Variants in RNASE4 observed in about 807,000 individuals in gnomAD.
The protein encoded by RNASE4 is ribonuclease 4.
For missense variants in RNASE4, 194 were observed against 192.8 expected (o/e 1.01, Z -0.04); for synonymous variants, 93 against 71.4 (o/e 1.30, Z -1.52).
intron 1 of RNASE4, among the ~76,000 whole-genome samples, chr14:20,698,190 T>C (rs1431949479): frequency 3.3e-5 from 5 of 152,160 alleles, no homozygotes; most frequent in Admixed American, 6.5e-5. Flanking sequence ...GGCTTTTTTT[T>C]TTAATGCTAT....
intron 1 of RNASE4, chr14:20,694,125 AC>A: frequency 7.0e-6 from 8 of 1,135,354 alleles, no homozygotes; most frequent in Non-Finnish European, 8.0e-6. Context: ...AGCTACCTGG[AC>A]CTTTTGTTTT....
At chr14:20,695,648 A>G (rs1466817761) in intron 1 of RNASE4, among the ~76,000 whole-genome samples, 2 of 152,384 alleles carry the variant, frequency 1.3e-5, no homozygotes, top group East Asian at 3.9e-4. Context: ...TTGTGAACAC[A>G]TAATTATTGT....
intron 1 of RNASE4, among the ~76,000 whole-genome samples, chr14:20,694,617 C>T (rs1566603265): frequency 6.6e-6 from 1 of 152,036 alleles, no homozygotes; most frequent in African/African-American, 2.4e-5. Flanking sequence ...CCTTATCAGT[C>T]AGTTTTTACA....
At chr14:20,686,897 C>G (rs1226950913) in intron 1 of RNASE4, among the ~76,000 whole-genome samples, 1 of 152,144 alleles carries the variant, frequency 6.6e-6, no homozygotes, top group Non-Finnish European at 1.5e-5. Flanking sequence ...CATATATACT[C>G]TGTATGAAGG....
intron 1 of RNASE4, among the ~76,000 whole-genome samples, 186 bp downstream of exon 1, chr14:20,684,944 A>G (rs922410711): frequency 6.6e-6 from 1 of 152,154 alleles, no homozygotes; most frequent in Non-Finnish European, 1.5e-5. Context: ...TAACGACTTT[A>G]CATTCCCACT....
At position 20,699,437 on chromosome 14, in the gene RNASE4, G is replaced by T; in HGVS notation, c.66G>T (p.Leu22=). Residue 22 remains leucine, a synonymous_variant, in exon 2 of 2, where the codon CTG becomes CTT. Transcript: ENST00000555835. The part of the protein sequence containing the change: ...LLLLTLLGLG[L]VQPSYGQDGM... ...TGCTGACCCTGCTGGGGCTGGGGCT[G>T]GTCCAGCCCTCCTATGGCCAGGATG... 5.0e-6 allele frequency: 8 copies of T among 1,612,384 alleles called. No homozygotes were observed. The highest frequency in any genetic ancestry group is 5.9e-6 in the Non-Finnish European group (7 of 1,178,820).
At chr14:20,694,835 T>C (rs1275509853) in intron 1 of RNASE4, among the ~76,000 whole-genome samples, 1 of 152,062 alleles carries the variant, frequency 6.6e-6, no homozygotes, top group Non-Finnish European at 1.5e-5. Flanking sequence ...AGTACCAACA[T>C]ACCAACAGAT....
At chr14:20,691,249 C>G (rs1886728929) in intron 1 of RNASE4, among the ~76,000 whole-genome samples, 1 of 152,192 alleles carries the variant, frequency 6.6e-6, no homozygotes, top group African/African-American at 2.4e-5. Flanking sequence ...GCTCTGGTTC[C>G]GTTTCCTGAT....
intron 1 of RNASE4, among the ~76,000 whole-genome samples, chr14:20,688,436 T>C (rs1886529120): frequency 6.6e-6 from 1 of 152,154 alleles, no homozygotes; most frequent in African/African-American, 2.4e-5. Context: ...CCAAGGCAGT[T>C]CTTGGAGTTG....
chr14:20,699,380 G>GCAGA lies in RNASE4; in HGVS notation c.10_13dup (p.Arg5ThrfsTer41). The GCAGA allele has an allele frequency of 6.3e-7, 1 of 1,598,830 alleles. No individual in the cohort carries two copies. The highest frequency in any genetic ancestry group is 1.1e-5 in the South Asian group (1 of 89,702). ...GCACCTCTAAGATACTGATGGCTCTGCAGAGGACCCATTCATTGCTTCTGC... is the reference window on the plus strand; with the variant it reads ...GCACCTCTAAGATACTGATGGCTCTGCAGACAGAGGACCCATTCATTGCTTCTGC... On this transcript the variant is annotated frameshift_variant, in exon 2 of 2. Transcript: ENST00000555835. LOFTEE classifies it low-confidence loss of function (END_TRUNC).
intron 1 of RNASE4, among the ~76,000 whole-genome samples, chr14:20,695,867 G>C (rs1461471913): frequency 6.6e-6 from 1 of 152,190 alleles, no homozygotes; most frequent in Non-Finnish European, 1.5e-5. Flanking sequence ...CTCTTCCTTG[G>C]GTTAGTCTGT....
At chr14:20,690,169 T>C (rs1320113880) in intron 1 of RNASE4, among the ~76,000 whole-genome samples, 5 of 133,872 alleles carry the variant, frequency 3.7e-5, no homozygotes, top group East Asian at 4.2e-4. Context: ...GAGCCGAGAT[T>C]GCGCCACTGC....
At chr14:20,692,647 T>C (rs532250342) in intron 1 of RNASE4, among the ~76,000 whole-genome samples, 1 of 152,310 alleles carries the variant, frequency 6.6e-6, no homozygotes, top group South Asian at 2.1e-4. Flanking sequence ...AATTTCATCC[T>C]GAAACCATCC....
chr14:20,688,775 C>A (rs546435629), intron 1 of RNASE4: 50 of 985,372 alleles, frequency 5.1e-5, no homozygotes, highest in Middle Eastern at 5.2e-4. Context: ...GAGAGGCCTC[C>A]AGGTTCACAC....
intron 1 of RNASE4, chr14:20,693,751 T>A (rs1886944317): frequency 6.2e-7 from 1 of 1,614,232 alleles, no homozygotes; most frequent in Admixed American, 1.7e-5. Flanking sequence ...GACCTCACCC[T>A]GCAAAGACAT....
chr14:20,690,144 G>A (rs12433905), intron 1 of RNASE4, among the ~76,000 whole-genome samples: 34,065 of 140,156 alleles, frequency 0.24, 5,669 homozygotes, highest in African/African-American at 0.49. Context: ...GAACCCGGGA[G>A]GCGGAGCTTG....
intron 1 of RNASE4, among the ~76,000 whole-genome samples, chr14:20,687,017 A>G (rs945113524): frequency 3.9e-5 from 6 of 152,210 alleles, no homozygotes; most frequent in Admixed American, 3.9e-4. Flanking sequence ...TCTCCAGGAA[A>G]GGGGAATGAC....
chr14:20,693,067 T>A (rs1368237153), intron 1 of RNASE4, among the ~76,000 whole-genome samples: 1 of 151,778 alleles, frequency 6.6e-6, no homozygotes, highest in East Asian at 1.9e-4. Context: ...CAGGATGGTC[T>A]CGATCTCCTG....
At chr14:20,699,313 A>G (rs768228660) in intron 1 of RNASE4, 42 bp from the exon 2 acceptor site, 117 of 1,494,642 alleles carry the variant, frequency 7.8e-5, no homozygotes, top group Non-Finnish European at 1.0e-4. Context: ...TCCAGTGCCC[A>G]GTTCTTACCT....
Sources: gnomAD v4.1 joint callset for allele counts (sites outside exome capture counted in the v4.1 genomes callset) on GRCh38, gnomAD v4.1.1 for gene constraint, MANE v1.5 for transcripts, NCBI Gene and HGNC (gene_info 2026-07-23, HGNC 2026-07-21) for gene names.